The following SLC35E1 variants were observed in gnomAD, a reference collection of about 807,000 sequenced individuals.
The protein encoded by SLC35E1 is solute carrier family 35 member E1.
Under a neutral mutation model 31.0 loss-of-function variants are expected in SLC35E1, and 12 were observed. The observed-to-expected ratio is 0.39, with a 90% CI of 0.25 to 0.63. The LOEUF is 0.63. Ranked by LOEUF, SLC35E1 falls within the 20% of genes least tolerant of loss-of-function variation. The probability of loss-of-function intolerance (pLI) is 0.52; values close to 1 mark genes in which losing one functional copy is unlikely to be tolerated. For synonymous variants in SLC35E1, 257 were observed against 264.1 expected (o/e 0.97, Z 0.26); for missense variants, 429 against 572.2 (o/e 0.75, Z 2.55).
At chr19:16,557,997 A>T (rs1228566449) in intron 4 of SLC35E1, among the ~76,000 whole-genome samples, 1 of 151,556 alleles carries the variant, frequency 6.6e-6, no homozygotes, top group African/African-American at 2.4e-5. Flanking sequence ...TATTTTTAGT[A>T]GAGACAGGGT....
chr19:16,567,159 T>C (rs949515138), intron 3 of SLC35E1, among the ~76,000 whole-genome samples: 2 of 152,184 alleles, frequency 1.3e-5, no homozygotes, highest in Non-Finnish European at 2.9e-5. Context: ...ACCTGAAAAG[T>C]GTGTGATTAT....
intron 3 of SLC35E1, 41 bp downstream of exon 3, chr19:16,567,991 C>T: frequency 6.5e-7 from 1 of 1,541,396 alleles, no homozygotes; most frequent in Non-Finnish European, 8.8e-7. Flanking sequence ...GCCCGCACAC[C>T]CCTGAAACCC....
chr19:16,560,961 G>C (rs1417987310), intron 4 of SLC35E1, among the ~76,000 whole-genome samples: 1 of 149,378 alleles, frequency 6.7e-6, no homozygotes, highest in Non-Finnish European at 1.5e-5. Context: ...TATCTCTTTG[G>C]GAGGTCGAGG....
rs760585319 is a variant in SLC35E1 at position 16,551,587 on chromosome 19, C to G, written c.*2092G>C. 6.6e-6 allele frequency: 1 copy of G among 152,034 alleles called. No individual in the cohort carries two copies. The highest frequency in any genetic ancestry group is 2.1e-4 in the South Asian group (1 of 4,816). 9.4% of individuals were successfully genotyped at this position (152,034 alleles called of 1,614,324 possible). On this transcript the variant is annotated 3_prime_UTR_variant, in exon 6 of 6. Transcript: ENST00000595753. ...TGTGGTGATGAAGAAAGAAGGCAGC[C>G]ATCACCTAAGACCCCACAAGCCAAG...
intron 4 of SLC35E1, among the ~76,000 whole-genome samples, chr19:16,559,892 T>G (rs2085896066): frequency 6.6e-6 from 1 of 152,218 alleles, no homozygotes; most frequent in Non-Finnish European, 1.5e-5. Context: ...CCCGGGCATT[T>G]CGCATATTAT....
In SLC35E1 at chr19:16,556,882, A is replaced by G. The variant is rs748464103; in HGVS notation, c.757-1485T>C. ...CGCTTAGGCGACCAGCTCAATGTCAACCAACTCAAGACTGGAACTCCCAAA... is the reference window on the plus strand; with the variant it reads ...CGCTTAGGCGACCAGCTCAATGTCAGCCAACTCAAGACTGGAACTCCCAAA... On this transcript the variant is annotated intron_variant, in intron 4 of 5. Transcript: ENST00000595753. 33 of 471,412 alleles carry G rather than the reference A, an allele frequency of 7.0e-5. 1 individual carries two copies. Among genetic ancestry groups the G allele is most frequent in the South Asian group, 5.1e-4 (33 of 64,574 alleles). 29.2% of individuals were successfully genotyped at this position (471,412 alleles called of 1,614,324 possible). A position where few individuals can be genotyped will look rare whatever the true frequency, so the allele number is the denominator to read the frequency against.
At position 16,563,115 on chromosome 19, in the gene SLC35E1, G is replaced by A. The variant is rs1004747128; in HGVS notation, c.756+3417C>T. Among the ~76,000 whole-genome samples the A allele has an allele frequency of 2.6e-5, 4 of 152,100 alleles. No homozygotes were observed. The South Asian group carries it at 8.3e-4, about 32-fold the overall frequency. On this transcript the variant is annotated intron_variant, in intron 4 of 5. Coordinates refer to ENST00000595753, the MANE Select transcript of SLC35E1 (RefSeq NM_024881.5). ...GTGGGTGGATCACCTAATGTCAGGAGTTTGAGACTAGCCTGGCCAAAATGG... is the reference window on the plus strand; with the variant it reads ...GTGGGTGGATCACCTAATGTCAGGAATTTGAGACTAGCCTGGCCAAAATGG...
intron 4 of SLC35E1, among the ~76,000 whole-genome samples, chr19:16,563,221 G>A (rs2085915823): frequency 6.6e-6 from 1 of 152,042 alleles, no homozygotes; most frequent in Admixed American, 6.5e-5. Flanking sequence ...CTACTCGGGA[G>A]GCTGAGGCAG....
chr19:16,557,383 C>T (rs1231062524), intron 4 of SLC35E1, among the ~76,000 whole-genome samples: 1 of 152,082 alleles, frequency 6.6e-6, no homozygotes, highest in Admixed American at 6.6e-5. Flanking sequence ...TTAGTAGAGA[C>T]GGGGTTTCAC....
chr19:16,557,562 T>TG (rs1046851928), intron 4 of SLC35E1, among the ~76,000 whole-genome samples: 4 of 152,124 alleles, frequency 2.6e-5, no homozygotes, highest in African/African-American at 7.2e-5. Flanking sequence ...AGGACACTCC[T>TG]GGGGGGCTTC....
In SLC35E1 at chr19:16,551,923, TTTTG is replaced by T. The variant is rs2085847678; in HGVS notation, c.*1752_*1755del. ...GCAGGTGCCACCATGCCTGGCTAATTTTTGTTTTAGTAGAGATGGGGTTTCACCA... is the reference window on the plus strand; with the variant it reads ...GCAGGTGCCACCATGCCTGGCTAATTTTTTAGTAGAGATGGGGTTTCACCA... On this transcript the variant is annotated 3_prime_UTR_variant, in exon 6 of 6. Transcript: ENST00000595753. The T allele has an allele frequency of 6.6e-6, 1 of 151,858 alleles. No homozygotes were observed. The highest frequency in any genetic ancestry group is 1.5e-5 in the Non-Finnish European group (1 of 67,984). The allele number at this position is 151,858 out of a possible 1,614,324, so 9.4% of individuals were successfully genotyped here.
rs980669871 is a variant in SLC35E1 at position 16,565,167 on chromosome 19, T to C, written c.756+1365A>G. 1.6e-4 allele frequency: 74 copies of C among 455,674 alleles called. No individual in the cohort carries two copies. In the Admixed American group the frequency reaches 1.6e-3, roughly 10 times the overall value. 28.2% of individuals were successfully genotyped at this position (455,674 alleles called of 1,614,324 possible). ...GCAAAAAGATTCGACGTGGAGTAAA[T>C]GGAAACAGAGACCAGGGAGGAACTG... is the stretch of plus-strand genomic sequence containing the variant. On this transcript the variant is annotated intron_variant, in intron 4 of 5. Transcript: ENST00000595753.
intron 2 of SLC35E1, among the ~76,000 whole-genome samples, chr19:16,570,911 C>A (rs866004626): frequency 6.6e-6 from 1 of 152,004 alleles, no homozygotes; most frequent in Admixed American, 6.6e-5. Context: ...AGCCTGGCAA[C>A]ATGGTGAAAC....
chr19:16,555,069 G>A lies in SLC35E1; in HGVS notation c.1002+83C>T, dbSNP rs2085868519. ...CTCTGACATACAACCCCAGCCTTGA[G>A]CGCCCGGGAGGCCCTTCCTTTTCTG... is the stretch of plus-strand genomic sequence containing the variant. On this transcript the variant is annotated intron_variant, in intron 5 of 5. Coordinates refer to ENST00000595753, the MANE Select transcript of SLC35E1 (RefSeq NM_024881.5). The surrounding 1 kb of genome is among the most constrained non-coding windows in gnomAD (Gnocchi z 4.1). 2 of 1,571,662 alleles carry A rather than the reference G, an allele frequency of 1.3e-6. No individual in the cohort carries two copies. Among genetic ancestry groups the A allele is most frequent in the Non-Finnish European group, 1.7e-6 (2 of 1,160,200 alleles).
At chr19:16,569,968 T>C (rs1401155330) in intron 2 of SLC35E1, among the ~76,000 whole-genome samples, 1 of 152,218 alleles carries the variant, frequency 6.6e-6, no homozygotes, top group African/African-American at 2.4e-5. Context: ...TATCAGGCTG[T>C]GGCCCTCAGG....
chr19:16,566,375 C>T, intron 4 of SLC35E1, 157 bp downstream of exon 4: 1 of 926,406 alleles, frequency 1.1e-6, no homozygotes, highest in Non-Finnish European at 1.6e-6. Context: ...CGTGCATCGT[C>T]ACCGTGAGGC....
chr19:16,562,373 A>C (rs1371945233), intron 4 of SLC35E1, among the ~76,000 whole-genome samples: 1 of 152,198 alleles, frequency 6.6e-6, no homozygotes, highest in African/African-American at 2.4e-5. Context: ...GAAATGAACA[A>C]GGTGCAGAAT....
intron 4 of SLC35E1, chr19:16,556,815 A>G (rs966347212): frequency 6.4e-6 from 3 of 470,040 alleles, no homozygotes; most frequent in African/African-American, 4.0e-5. Flanking sequence ...ACTGCACTCC[A>G]AGAGAGAAGG....
intron 4 of SLC35E1, among the ~76,000 whole-genome samples, chr19:16,560,894 A>AAAAAAAAAAACAAAAGAAAAAAAC (rs1282867880): frequency 7.0e-6 from 1 of 143,566 alleles, no homozygotes; most frequent in African/African-American, 2.7e-5. Context: ...AAAAAAAAAA[A>AAAAAAAAAAACAAAAGAAAAAAAC]AAAAAAGAGA....
Sources: allele counts gnomAD v4.1 joint callset (sites outside exome capture counted in the v4.1 genomes callset), GRCh38; gene constraint gnomAD v4.1.1; non-coding constraint Gnocchi (gnomAD v3.1); transcripts MANE v1.5; gene names NCBI Gene and HGNC (gene_info 2026-07-23, HGNC 2026-07-21).